Variants in TEAD1 observed in about 807,000 individuals in gnomAD.
The protein encoded by TEAD1 is transcriptional enhancer factor TEF-1.
Under a neutral mutation model 54.9 loss-of-function variants are expected in TEAD1, and 9 were observed. That is an observed-to-expected ratio of 0.16 (90% confidence interval 0.10 to 0.29). The LOEUF is 0.29. Among genes scored for constraint, TEAD1 ranks in the 10% least tolerant of loss-of-function variants. The pLI is 1.00. For synonymous variants in TEAD1, 200 were observed against 187.8 expected, an observed-to-expected ratio of 1.07 and a Z score of -0.53; for missense variants, 387 against 535.9, an observed-to-expected ratio of 0.72 and a Z score of 2.74.
chr11:12,867,942 C>T (rs1947656607), intron 5 of TEAD1, among the ~76,000 whole-genome samples: 1 of 152,192 alleles, frequency 6.6e-6, no homozygotes, highest in Non-Finnish European at 1.5e-5. Flanking sequence ...CTGACCATCC[C>T]AGTAACTATC....
intron 3 of TEAD1, among the ~76,000 whole-genome samples, chr11:12,777,588 C>A (rs543384093): frequency 6.6e-6 from 1 of 152,270 alleles, no homozygotes; most frequent in East Asian, 1.9e-4. Context: ...GTAGCCACAG[C>A]CTTAAACATA....
chr11:12,824,927 G>A (rs1472537906), intron 3 of TEAD1, among the ~76,000 whole-genome samples: 1 of 152,024 alleles, frequency 6.6e-6, no homozygotes, highest in Admixed American at 6.6e-5. Flanking sequence ...TACATGAGAT[G>A]GTGCTGTTTT....
chr11:12,828,965 A>T (rs915105900), intron 3 of TEAD1, among the ~76,000 whole-genome samples: 11 of 152,060 alleles, frequency 7.2e-5, no homozygotes, highest in African/African-American at 2.4e-4. Context: ...TGAAGCATAG[A>T]TTCACTGTTT....
At chr11:12,797,187 G>T (rs1945949671) in intron 3 of TEAD1, among the ~76,000 whole-genome samples, 2 of 152,226 alleles carry the variant, frequency 1.3e-5, no homozygotes, top group African/African-American at 2.4e-5. Flanking sequence ...CCCAGATGGT[G>T]ACCTCTTAAC....
At chr11:12,822,448 C>A (rs778762273) in intron 3 of TEAD1, 9 of 152,186 alleles carry the variant, frequency 5.9e-5, no homozygotes, top group Non-Finnish European at 8.8e-5. Context: ...TGTGTGGTGT[C>A]CACCCTGTCA....
chr11:12,748,402 G>A (rs1281541739), intron 2 of TEAD1, among the ~76,000 whole-genome samples: 1 of 152,230 alleles, frequency 6.6e-6, no homozygotes, highest in Non-Finnish European at 1.5e-5. Flanking sequence ...CAGGCATCTT[G>A]GAGTGCGTGT....
At chr11:12,798,334 T>A (rs1945980196) in intron 3 of TEAD1, among the ~76,000 whole-genome samples, 1 of 152,160 alleles carries the variant, frequency 6.6e-6, no homozygotes, top group African/African-American at 2.4e-5. Context: ...ACTGGAAGAG[T>A]ACTCATCTTT....
chr11:12,795,589 T>C (rs574481222), intron 3 of TEAD1, among the ~76,000 whole-genome samples: 2 of 152,332 alleles, frequency 1.3e-5, no homozygotes, highest in East Asian at 3.9e-4. Context: ...TCAGAATCAC[T>C]TGGAGGGCTG....
intron 2 of TEAD1, among the ~76,000 whole-genome samples, chr11:12,742,990 G>A (rs922957122): frequency 3.3e-5 from 5 of 152,178 alleles, no homozygotes; most frequent in South Asian, 2.1e-4. Flanking sequence ...GTGGTCCAGC[G>A]GTGGGGCTGG....
chr11:12,912,262 G>T (rs1334498606), intron 10 of TEAD1, among the ~76,000 whole-genome samples: 1 of 152,188 alleles, frequency 6.6e-6, no homozygotes, highest in Non-Finnish European at 1.5e-5. Context: ...CTCAGGGTCT[G>T]GTGAGGGATG....
chr11:12,759,529 A>C (rs1245264525), intron 2 of TEAD1, among the ~76,000 whole-genome samples: 1 of 152,206 alleles, frequency 6.6e-6, no homozygotes, highest in African/African-American at 2.4e-5. Context: ...TTTATGATGG[A>C]AACTGAGGCA....
chr11:12,781,802 A>G (rs1283661821), intron 3 of TEAD1, among the ~76,000 whole-genome samples: 3 of 151,846 alleles, frequency 2.0e-5, no homozygotes, highest in African/African-American at 7.3e-5. Flanking sequence ...ATAGGACCCA[A>G]AAGAAATGAA....
intron 2 of TEAD1, among the ~76,000 whole-genome samples, chr11:12,708,011 C>A (rs1943856493): frequency 6.6e-6 from 1 of 152,088 alleles, no homozygotes; most frequent in Admixed American, 6.5e-5. Flanking sequence ...ATAGAACTTT[C>A]TTTTCTGTTG....
chr11:12,778,550 T>TA (rs1229801551), intron 3 of TEAD1, among the ~76,000 whole-genome samples: 6 of 142,898 alleles, frequency 4.2e-5, no homozygotes, highest in Non-Finnish European at 9.0e-5. Context: ...TTTTTTTTTT[T>TA]AAACTGTAGT....
At chr11:12,762,222 T>G (rs1019197908) in intron 2 of TEAD1, among the ~76,000 whole-genome samples, 2 of 152,114 alleles carry the variant, frequency 1.3e-5, no homozygotes, top group Non-Finnish European at 2.9e-5. Context: ...TTTGTCTTTT[T>G]TTGTTGTTGT....
chr11:12,845,808 C>T (rs1462376095), intron 3 of TEAD1, among the ~76,000 whole-genome samples: 1 of 152,226 alleles, frequency 6.6e-6, no homozygotes, highest in African/African-American at 2.4e-5. Flanking sequence ...CCCAGTACTC[C>T]CAAATGCACA....
Position 12,864,010 on chromosome 11 carries a change from A to C in TEAD1, c.268-828A>C, listed in dbSNP as rs373479727. On this transcript the variant is annotated intron_variant, in intron 4 of 12. Coordinates refer to ENST00000527636, the MANE Select transcript of TEAD1 (RefSeq NM_021961.6). The stretch of plus-strand genomic sequence containing the variant: ...ACATTTCGCTTTGTAATAATATGCA[A>C]ATCCACTTGGCGCCCAGTCAATACC... 2.1e-4 allele frequency among the ~76,000 whole-genome samples: 32 copies of C among 152,200 alleles called. No individual in the cohort carries two copies. In the East Asian group the frequency reaches 2.7e-3, roughly 13 times the overall value.
At chr11:12,719,408 T>G (rs972419349) in intron 2 of TEAD1, among the ~76,000 whole-genome samples, 2 of 152,092 alleles carry the variant, frequency 1.3e-5, no homozygotes, top group African/African-American at 4.8e-5. Flanking sequence ...CTGAGAGAGA[T>G]CCCGCTTTTG....
intron 2 of TEAD1, among the ~76,000 whole-genome samples, chr11:12,689,223 AC>A (rs754121863): frequency 1.1e-4 from 17 of 151,790 alleles, no homozygotes; most frequent in Non-Finnish European, 2.1e-4. Context: ...ACTACATTTC[AC>A]CAAAAATGGT....
Sources: gnomAD v4.1 joint callset for allele counts (sites outside exome capture counted in the v4.1 genomes callset) on GRCh38, gnomAD v4.1.1 for gene constraint, MANE v1.5 for transcripts, NCBI Gene and HGNC (gene_info 2026-07-23, HGNC 2026-07-21) for gene names.